Variants in PAX5 observed in about 807,000 individuals in gnomAD.
PAX5 encodes paired box 5, also known as paired box protein Pax-5.
A neutral mutation model predicts 43.7 loss-of-function variants in PAX5; 9 were observed. That is an observed-to-expected ratio of 0.21 (90% CI 0.12 to 0.36). The LOEUF is 0.36. Among genes scored for constraint, PAX5 ranks in the 10% least tolerant of loss-of-function variants. PAX5 has a pLI of 1.00. For missense variants in PAX5, 383 were observed against 532.7 expected (o/e 0.72, Z 2.77); for synonymous variants, 228 against 214.3 (o/e 1.06, Z -0.56).
At chr9:36,968,540 A>T (rs1834643792) in intron 5 of PAX5, among the ~76,000 whole-genome samples, 2 of 152,102 alleles carry the variant, frequency 1.3e-5, no homozygotes, top group Non-Finnish European at 2.9e-5. Flanking sequence ...CTCTGAGAAA[A>T]TGGATTCCCC....
chr9:36,992,777 A>G (rs981394507), intron 5 of PAX5, among the ~76,000 whole-genome samples: 12 of 152,240 alleles, frequency 7.9e-5, no homozygotes, highest in Non-Finnish European at 1.5e-4. Context: ...CACCTTATCT[A>G]TATGAGTGAT....
intron 7 of PAX5, among the ~76,000 whole-genome samples, chr9:36,891,583 G>T (rs752920672): frequency 6.6e-6 from 1 of 152,220 alleles, no homozygotes; most frequent in Admixed American, 6.5e-5. Flanking sequence ...GGGAAGGGCA[G>T]TGGGAATGGT....
At chr9:36,945,851 T>C (rs1367263918) in intron 6 of PAX5, among the ~76,000 whole-genome samples, 1 of 152,192 alleles carries the variant, frequency 6.6e-6, no homozygotes, top group Non-Finnish European at 1.5e-5. Flanking sequence ...AAATAAAGTC[T>C]CCGCCTCACA....
At chr9:36,912,145 T>A (rs1829347674) in intron 7 of PAX5, among the ~76,000 whole-genome samples, 1 of 152,170 alleles carries the variant, frequency 6.6e-6, no homozygotes, top group Admixed American at 6.6e-5. Context: ...TCGGAGAGCA[T>A]CCCCACGTAG....
At chr9:36,874,467 GC>G (rs539992643) in intron 8 of PAX5, among the ~76,000 whole-genome samples, 121 of 152,114 alleles carry the variant, frequency 8.0e-4, no homozygotes, top group African/African-American at 2.8e-3. Flanking sequence ...AATCCTACTT[GC>G]CTGGCCTGGG....
intron 7 of PAX5, among the ~76,000 whole-genome samples, chr9:36,884,272 T>C (rs1826727994): frequency 6.6e-6 from 1 of 152,190 alleles, no homozygotes; most frequent in Non-Finnish European, 1.5e-5. Context: ...GATTGGGCAA[T>C]ATTACAGAAA....
At chr9:36,910,727 T>C (rs116340467) in intron 7 of PAX5, among the ~76,000 whole-genome samples, 2,791 of 152,254 alleles carry the variant, frequency 0.018, 85 homozygotes, top group African/African-American at 0.064. Flanking sequence ...TGGAAGAGAC[T>C]TCGCCTTTGA....
intron 9 of PAX5, among the ~76,000 whole-genome samples, chr9:36,843,382 C>T (rs1822265592): frequency 6.6e-6 from 1 of 152,182 alleles, no homozygotes; most frequent in Non-Finnish European, 1.5e-5. Context: ...GTTGGGGAGG[C>T]AGCAATCTCA....
At chr9:36,968,639 C>G (rs577409002) in intron 5 of PAX5, among the ~76,000 whole-genome samples, 1 of 152,160 alleles carries the variant, frequency 6.6e-6, no homozygotes, top group Admixed American at 6.5e-5. Flanking sequence ...AGAAGTTGGT[C>G]TCTCTGACCA....
chr9:36,864,949 C>T (rs903378610), intron 8 of PAX5, among the ~76,000 whole-genome samples: 1 of 152,252 alleles, frequency 6.6e-6, no homozygotes, highest in African/African-American at 2.4e-5. Flanking sequence ...AACGGGCTGG[C>T]AGGCGGGCTG....
Position 36,834,773 on chromosome 9 carries a change from T to A in PAX5, c.*5787A>T, listed in dbSNP as rs1301895022. ...TTCTTAATGATGCTTTTGGAGAAGA[T>A]GAGGGACGTGGCCACAGGCATGGTG... On this transcript the variant is annotated 3_prime_UTR_variant, in exon 10 of 10. Transcript: ENST00000358127. 8.8e-6 allele frequency: 2 copies of A among 228,442 alleles called. No homozygotes were observed. Among genetic ancestry groups the A allele is most frequent in the Non-Finnish European group, 1.7e-5 (2 of 117,206 alleles). The allele number at this position is 228,442 out of a possible 1,614,324, so 14.2% of individuals were successfully genotyped here.
intron 6 of PAX5, among the ~76,000 whole-genome samples, chr9:36,927,761 T>C (rs1830770417): frequency 2.0e-5 from 3 of 151,900 alleles, no homozygotes; most frequent in Non-Finnish European, 2.9e-5. Context: ...CAGGCTGGTG[T>C]GCAGTGGCAC....
At chr9:36,995,213 T>C (rs944069) in intron 5 of PAX5, among the ~76,000 whole-genome samples, 65,952 of 152,176 alleles carry the variant, frequency 0.43, 15,005 homozygotes, top group Non-Finnish European at 0.49. Flanking sequence ...TAAAGAATCC[T>C]TGGGTCTCAG....
At chr9:36,960,506 G>A (rs1833872901) in intron 6 of PAX5, among the ~76,000 whole-genome samples, 11 of 152,176 alleles carry the variant, frequency 7.2e-5, no homozygotes, top group Admixed American at 7.2e-4. Flanking sequence ...CCGGGGTTGG[G>A]TTTCAATGGT....
chr9:37,017,168 A>T (rs1411712846), intron 2 of PAX5, among the ~76,000 whole-genome samples: 1 of 152,198 alleles, frequency 6.6e-6, no homozygotes, highest in Non-Finnish European at 1.5e-5. Context: ...TGTAAAGCCA[A>T]TTTTTACTAT....
rs1821655677 is a variant in PAX5 at position 36,836,570 on chromosome 9, G to A, written c.*3990C>T. On this transcript the variant is annotated 3_prime_UTR_variant, in exon 10 of 10. Transcript: ENST00000358127. The stretch of plus-strand genomic sequence containing the variant: ...CTCAGGGGGGCAGGCACACTTCTGG[G>A]CATCTCGGGCACTGCTGCACCGTAC... 2 of 232,866 alleles carry A rather than the reference G, an allele frequency of 8.6e-6. No individual in the cohort carries two copies. Among genetic ancestry groups the A allele is most frequent in the African/African-American group, 4.4e-5 (2 of 45,322 alleles). The allele number at this position is 232,866 out of a possible 1,614,324, so 14.4% of individuals were successfully genotyped here.
At chr9:36,933,538 C>G (rs1403055398) in intron 6 of PAX5, among the ~76,000 whole-genome samples, 1 of 152,186 alleles carries the variant, frequency 6.6e-6, no homozygotes, top group Non-Finnish European at 1.5e-5. Context: ...CTGCCCACCC[C>G]GTGTGCAGCA....
intron 3 of PAX5, among the ~76,000 whole-genome samples, chr9:37,014,466 C>G (rs1839220848): frequency 6.6e-6 from 1 of 152,180 alleles, no homozygotes; most frequent in African/African-American, 2.4e-5. Flanking sequence ...AGAGCTTTGT[C>G]AAGGTCCCAC....
chr9:37,011,266 T>C lies in PAX5; in HGVS notation c.410+3731A>G, dbSNP rs1838910096. ...CAGCCCGGGACAAGTTTTGTTAGCC[T>C]GCACAGTATATTTGTTTTTATTTGA... On this transcript the variant is annotated intron_variant, in intron 3 of 9. Coordinates refer to ENST00000358127, the MANE Select transcript of PAX5 (RefSeq NM_016734.3). Among the ~76,000 whole-genome samples the C allele has an allele frequency of 2.6e-5, 4 of 152,324 alleles. No homozygotes were observed. The South Asian group carries it at 8.3e-4, about 32-fold the overall frequency.
Sources: allele counts gnomAD v4.1 joint callset (sites outside exome capture counted in the v4.1 genomes callset), GRCh38; gene constraint gnomAD v4.1.1; transcripts MANE v1.5; gene names NCBI Gene and HGNC (gene_info 2026-07-23, HGNC 2026-07-21).